The following FTO variants were observed in gnomAD, a reference collection of about 807,000 sequenced individuals.
FTO encodes alpha-ketoglutarate-dependent dioxygenase FTO.
A neutral mutation model predicts 63.9 loss-of-function variants in FTO; 47 were observed. The observed-to-expected ratio is 0.74, with a 90% CI of 0.58 to 0.94. The LOEUF is 0.94. FTO is among the 40% of genes least tolerant of loss of function. The pLI, the probability that FTO is intolerant of heterozygous loss-of-function variation, is 0.00. For synonymous variants in FTO, 207 were observed against 224.4 expected, an observed-to-expected ratio of 0.92 and a Z score of 0.69; for missense variants, 562 against 618.1, an observed-to-expected ratio of 0.91 and a Z score of 0.96.
At chr16:53,936,176 A>G (rs570783009) in intron 8 of FTO, among the ~76,000 whole-genome samples, 94 of 152,338 alleles carry the variant, frequency 6.2e-4, no homozygotes, top group Non-Finnish European at 1.1e-3. Flanking sequence ...GTTGAAGTTG[A>G]TGTAGTCTAG....
chr16:53,742,926 G>C lies in FTO; in HGVS notation c.45+38697G>C, dbSNP rs57325620. 1.8e-3 allele frequency among the ~76,000 whole-genome samples: 281 copies of C among 152,192 alleles called. 2 individuals carry two copies. Among genetic ancestry groups the C allele is most frequent in the South Asian group, 8.7e-3 (42 of 4,820 alleles). ...GGGGACAGGGGTAACTGGAGCCCCT[G>C]GTCTCTTCATCTCTAACTCTGGGCA... On this transcript the variant is annotated intron_variant, in intron 1 of 8. Coordinates refer to ENST00000471389, the MANE Select transcript of FTO (RefSeq NM_001080432.3).
At chr16:53,976,968 T>G (rs1293651785) in intron 8 of FTO, among the ~76,000 whole-genome samples, 1 of 152,166 alleles carries the variant, frequency 6.6e-6, no homozygotes, top group Non-Finnish European at 1.5e-5. Flanking sequence ...CCTTTCTCTC[T>G]CCAATGTACT....
intron 1 of FTO, among the ~76,000 whole-genome samples, chr16:53,806,543 G>A (rs1567311833): frequency 2.0e-5 from 3 of 152,142 alleles, no homozygotes; most frequent in African/African-American, 4.8e-5. Flanking sequence ...TAAACAGAGA[G>A]CGTCCTTGTT....
At chr16:53,929,655 A>T (rs1202062002) in intron 7 of FTO, among the ~76,000 whole-genome samples, 1 of 152,166 alleles carries the variant, frequency 6.6e-6, no homozygotes, top group Non-Finnish European at 1.5e-5. Context: ...CATTCCTCCT[A>T]GTAGTGTCTC....
At chr16:53,883,646 A>AAAAAAAAAAAAAC (rs1555489016) in intron 6 of FTO, among the ~76,000 whole-genome samples, 6 of 135,702 alleles carry the variant, frequency 4.4e-5, no homozygotes, top group African/African-American at 1.8e-4. Flanking sequence ...CAAAAAAAAA[A>AAAAAAAAAAAAAC]AAACAAATTT....
At chr16:53,782,336 G>A (rs185926448) in intron 1 of FTO, among the ~76,000 whole-genome samples, 112 of 152,316 alleles carry the variant, frequency 7.4e-4, no homozygotes, top group Non-Finnish European at 1.2e-3. Context: ...GCCTAGTCTA[G>A]GCATGCCAGT....
chr16:53,918,313 G>A (rs1431095488), intron 7 of FTO, among the ~76,000 whole-genome samples: 1 of 152,154 alleles, frequency 6.6e-6, no homozygotes, highest in Non-Finnish European at 1.5e-5. Context: ...GTAGTCTGTT[G>A]CCCCCAGGCT....
At chr16:53,856,061 G>T (rs2151843116) in intron 4 of FTO, among the ~76,000 whole-genome samples, 1 of 151,358 alleles carries the variant, frequency 6.6e-6, no homozygotes, top group East Asian at 2.0e-4. Context: ...CCTGTCTATT[G>T]AACATAATTC....
intron 3 of FTO, among the ~76,000 whole-genome samples, chr16:53,830,316 G>A (rs1377642439): frequency 6.6e-6 from 1 of 152,144 alleles, no homozygotes; most frequent in Non-Finnish European, 1.5e-5. Flanking sequence ...TCCTATTCCA[G>A]CTTTGCTGGC....
At chr16:53,737,442 A>T (rs569814860) in intron 1 of FTO, among the ~76,000 whole-genome samples, 1 of 152,270 alleles carries the variant, frequency 6.6e-6, no homozygotes, top group East Asian at 1.9e-4. Flanking sequence ...GTAACTTGCT[A>T]TACAAGTAAC....
At chr16:53,820,627 C>G (rs561718424) in intron 2 of FTO, among the ~76,000 whole-genome samples, 3 of 145,926 alleles carry the variant, frequency 2.1e-5, no homozygotes, top group Admixed American at 2.0e-4. Context: ...TATCCCTCCC[C>G]CTCCCCCCAC....
intron 8 of FTO, among the ~76,000 whole-genome samples, chr16:54,037,104 A>G (rs2084958399): frequency 6.6e-6 from 1 of 152,214 alleles, no homozygotes; most frequent in Non-Finnish European, 1.5e-5. Flanking sequence ...CAACCTGGGT[A>G]GAGACAGAAT....
intron 4 of FTO, among the ~76,000 whole-genome samples, chr16:53,854,842 A>G (rs779499034): frequency 3.2e-4 from 49 of 152,162 alleles, no homozygotes; most frequent in Non-Finnish European, 1.9e-4. Flanking sequence ...TTTTGATAGG[A>G]ATTGCATCAA....
chr16:53,989,490 C>T (rs901378250), intron 8 of FTO, among the ~76,000 whole-genome samples: 63 of 152,058 alleles, frequency 4.1e-4, no homozygotes, highest in Non-Finnish European at 8.8e-5. Flanking sequence ...AAGGCAACTC[C>T]GATTTGGGAA....
At chr16:54,076,301 A>G (rs893471230) in intron 8 of FTO, among the ~76,000 whole-genome samples, 13 of 152,242 alleles carry the variant, frequency 8.5e-5, no homozygotes, top group African/African-American at 2.4e-4. Flanking sequence ...GCTTTATGCC[A>G]GCAGTAGGAC....
At position 53,895,176 on chromosome 16, in the gene FTO, A is replaced by G. The variant is rs535815120; in HGVS notation, c.1239+6225A>G. Among the ~76,000 whole-genome samples, 20 of 152,148 alleles carry G rather than the reference A, an allele frequency of 1.3e-4. No homozygotes were observed. In the East Asian group the frequency reaches 2.5e-3, roughly 19 times the overall value. On this transcript the variant is annotated intron_variant, in intron 7 of 8. Transcript: ENST00000471389. ...TAAAACATCTGGGGAGAAATTTTAC[A>G]TGTAATTTAGCAGTGAATTTCTTAT...
intron 8 of FTO, among the ~76,000 whole-genome samples, chr16:53,999,223 C>T (rs7193938): frequency 0.25 from 37,787 of 152,018 alleles, 5,512 homozygotes; most frequent in African/African-American, 0.39. Flanking sequence ...TTTTGAGAAC[C>T]CGGCTTTTAC....
intron 1 of FTO, among the ~76,000 whole-genome samples, chr16:53,762,741 T>C (rs1046129942): frequency 6.6e-6 from 1 of 152,198 alleles, no homozygotes; most frequent in African/African-American, 2.4e-5. Flanking sequence ...TTTGGTGATA[T>C]TTTGTTGTTT....
At chr16:54,102,407 T>C (rs2086659327) in intron 8 of FTO, among the ~76,000 whole-genome samples, 1 of 152,174 alleles carries the variant, frequency 6.6e-6, no homozygotes, top group Non-Finnish European at 1.5e-5. Flanking sequence ...CTGAATGTTC[T>C]ATCTCATGAA....
Sources: allele counts gnomAD v4.1 joint callset (sites outside exome capture counted in the v4.1 genomes callset), GRCh38; gene constraint gnomAD v4.1.1; transcripts MANE v1.5; gene names NCBI Gene and HGNC (gene_info 2026-07-23, HGNC 2026-07-21).